The following COPS2 variants were observed in gnomAD, a reference collection of about 807,000 sequenced individuals.
COPS2 encodes the protein COP9 signalosome complex subunit 2.
Under a neutral mutation model 66.1 loss-of-function variants are expected in COPS2, and 10 were observed. That is an observed-to-expected ratio of 0.15 (90% CI 0.09 to 0.26). COPS2 has a LOEUF of 0.26. COPS2 is among the 10% of genes least tolerant of loss of function. The pLI is 1.00. For missense variants in COPS2, 215 were observed against 513.3 expected (o/e 0.42, Z 5.62); for synonymous variants, 179 against 171.3 (o/e 1.04, Z -0.35).
At chr15:49,146,527 G>A (rs2084322117) in intron 1 of COPS2, among the ~76,000 whole-genome samples, 1 of 152,092 alleles carries the variant, frequency 6.6e-6, no homozygotes, top group Non-Finnish European at 1.5e-5. Context: ...TTGCCCACTA[G>A]ACAAAACAGG....
chr15:49,123,546 A>G lies in COPS2; in HGVS notation c.*4404T>C, dbSNP rs2141118844. The G allele has an allele frequency of 6.6e-6, 1 of 152,370 alleles. No homozygotes were observed. Among genetic ancestry groups the G allele is most frequent in the African/African-American group, 2.4e-5 (1 of 41,590 alleles). The allele number at this position is 152,370 out of a possible 1,614,324, so 9.4% of individuals were successfully genotyped here. A position where few individuals can be genotyped will look rare whatever the true frequency, so the allele number is the denominator to read the frequency against. On this transcript the variant is annotated 3_prime_UTR_variant, in exon 13 of 13. Coordinates refer to ENST00000388901, the MANE Select transcript of COPS2 (RefSeq NM_004236.4). ...GTACTCCCACAAGTATGTTTCACTT[A>G]TTACATATGTATACATATGCACACA...
chr15:49,151,296 A>G (rs2084358914), intron 1 of COPS2, among the ~76,000 whole-genome samples: 2 of 151,778 alleles, frequency 1.3e-5, no homozygotes, highest in South Asian at 4.2e-4. Flanking sequence ...GCTATTCAGG[A>G]GGTTGAGGCA....
intron 4 of COPS2, among the ~76,000 whole-genome samples, chr15:49,138,954 A>G (rs1056494544): frequency 1.3e-5 from 2 of 152,208 alleles, no homozygotes; most frequent in Admixed American, 6.5e-5. Flanking sequence ...ATATAAAATA[A>G]TCATTGGTTT....
In COPS2 at chr15:49,126,583, T is replaced by A. The variant is rs1226302769; in HGVS notation, c.*1367A>T. On this transcript the variant is annotated 3_prime_UTR_variant, in exon 13 of 13. Transcript: ENST00000388901. The stretch of plus-strand genomic sequence containing the variant: ...ATCCTAGTTCTTCCTTTCGACACTA[T>A]AAAATAATGTGAACTTTTTAAAAAA... 1 of 152,372 alleles carries A rather than the reference T, an allele frequency of 6.6e-6. No individual in the cohort carries two copies. Among genetic ancestry groups the A allele is most frequent in the Non-Finnish European group, 1.5e-5 (1 of 67,944 alleles). The allele number at this position is 152,372 out of a possible 1,614,324, so 9.4% of individuals were successfully genotyped here. A position where few individuals can be genotyped will look rare whatever the true frequency, so the allele number is the denominator to read the frequency against.
chr15:49,153,027 G>A (rs577614), intron 1 of COPS2, among the ~76,000 whole-genome samples: 127,469 of 151,932 alleles, frequency 0.84, 54,611 homozygotes, highest in Non-Finnish European at 0.92. Flanking sequence ...TCATCAGCTT[G>A]ATCACAGTGC....
intron 1 of COPS2, among the ~76,000 whole-genome samples, chr15:49,149,665 T>C (rs890731967): frequency 1.3e-5 from 2 of 152,232 alleles, no homozygotes; most frequent in Non-Finnish European, 2.9e-5. Context: ...ATATCTGGAA[T>C]GTCGCTACTG....
chr15:49,150,033 G>T (rs983556957), intron 1 of COPS2, among the ~76,000 whole-genome samples: 4 of 152,076 alleles, frequency 2.6e-5, no homozygotes, highest in Non-Finnish European at 5.9e-5. Flanking sequence ...GGTGGCTCAT[G>T]CCTGTAATCC....
chr15:49,150,685 G>GTT (rs1232465048), intron 1 of COPS2, among the ~76,000 whole-genome samples: 1 of 152,108 alleles, frequency 6.6e-6, no homozygotes, highest in Non-Finnish European at 1.5e-5. Context: ...CATGTTCTCT[G>GTT]TTATAAGTGG....
intron 6 of COPS2, among the ~76,000 whole-genome samples, chr15:49,136,944 G>A (rs1046569541): frequency 6.6e-6 from 1 of 151,360 alleles, no homozygotes; most frequent in Admixed American, 6.6e-5. Context: ...AGCCAAGATC[G>A]CACCACTGCA....
intron 9 of COPS2, among the ~76,000 whole-genome samples, chr15:49,132,571 C>CA (rs748471326): frequency 0.061 from 3,639 of 59,470 alleles, 237 homozygotes; most frequent in East Asian, 0.08. Flanking sequence ...CATATATCTG[C>CA]AAAAAAAAAA....
At chr15:49,140,712 C>A (rs1162474238) in intron 3 of COPS2, among the ~76,000 whole-genome samples, 1 of 151,990 alleles carries the variant, frequency 6.6e-6, no homozygotes, top group Non-Finnish European at 1.5e-5. Flanking sequence ...TCATAATCTG[C>A]AATTGCTGTT....
At position 49,145,897 on chromosome 15, in the gene COPS2, A is replaced by G. The variant is rs143695899; in HGVS notation, c.55-819T>C. Among the ~76,000 whole-genome samples, 652 of 152,282 alleles carry G rather than the reference A, an allele frequency of 4.3e-3. 1 individual carries two copies. Among genetic ancestry groups the G allele is most frequent in the Non-Finnish European group, 7.3e-3 (496 of 67,978 alleles). On this transcript the variant is annotated intron_variant, in intron 1 of 12. Transcript: ENST00000388901. ...AATGGAAATTATTATCTTATGAGTC[A>G]TAAGATATAGATTATTTCCTTCTCA...
intron 1 of COPS2, among the ~76,000 whole-genome samples, chr15:49,151,772 T>C (rs117610056): frequency 1.3e-5 from 2 of 151,932 alleles, no homozygotes; most frequent in East Asian, 3.9e-4. Context: ...TACATGATCA[T>C]GCATGTATGT....
At chr15:49,129,251 G>C (rs1469383370) in intron 11 of COPS2, among the ~76,000 whole-genome samples, 2 of 151,540 alleles carry the variant, frequency 1.3e-5, no homozygotes, top group African/African-American at 4.9e-5. Flanking sequence ...GCCACACTGT[G>C]CCTGTGAATA....
chr15:49,132,064 C>T (rs1203470859), intron 9 of COPS2, among the ~76,000 whole-genome samples: 2 of 152,064 alleles, frequency 1.3e-5, no homozygotes, highest in Non-Finnish European at 2.9e-5. Context: ...TTAATTTATA[C>T]AAAATATCAA....
At chr15:49,134,817 G>A (rs887668649) in intron 6 of COPS2, among the ~76,000 whole-genome samples, 2 of 152,160 alleles carry the variant, frequency 1.3e-5, no homozygotes, top group African/African-American at 4.8e-5. Flanking sequence ...ACTATGTATA[G>A]TAGTATGTTT....
chr15:49,139,725 T>C (rs1204517304), intron 3 of COPS2, 72 bp from the exon 4 acceptor site: 4 of 1,088,448 alleles, frequency 3.7e-6, no homozygotes, highest in East Asian at 4.8e-5. Flanking sequence ...ATTAAGGTTA[T>C]AGAATACACT....
intron 3 of COPS2, among the ~76,000 whole-genome samples, chr15:49,141,921 C>A (rs950352772): frequency 6.6e-6 from 1 of 152,164 alleles, no homozygotes; most frequent in Non-Finnish European, 1.5e-5. Context: ...ACTGCTAGTA[C>A]GTTAAAATAG....
rs953561241 is a variant in COPS2 at position 49,127,242 on chromosome 15, G to A, written c.*708C>T. On this transcript the variant is annotated 3_prime_UTR_variant, in exon 13 of 13. Transcript: ENST00000388901. ...CAAATAACCAACTTATTTGCCCCCA[G>A]GCTTTTTAAAATCATTAACTGAAGA... 1.3e-5 allele frequency: 2 copies of A among 152,500 alleles called. No individual in the cohort carries two copies. The highest frequency in any genetic ancestry group is 4.8e-5 in the African/African-American group (2 of 41,532). 9.4% of individuals were successfully genotyped at this position (152,500 alleles called of 1,614,324 possible).
Sources: allele counts gnomAD v4.1 joint callset (sites outside exome capture counted in the v4.1 genomes callset), GRCh38; gene constraint gnomAD v4.1.1; transcripts MANE v1.5; gene names NCBI Gene and HGNC (gene_info 2026-07-23, HGNC 2026-07-21).